The following QSER1 variants were observed in gnomAD, a reference collection of about 807,000 sequenced individuals.
QSER1 encodes glutamine and serine rich 1, also known as glutamine and serine-rich protein 1.
In QSER1, 49 loss-of-function variants were observed where a neutral mutation model predicts 158.5. The ratio of observed to expected loss-of-function variants is 0.31; its 90% CI spans 0.25 to 0.39. The LOEUF is 0.39. Ranked by LOEUF, QSER1 falls within the 10% of genes least tolerant of loss-of-function variation. The probability of loss-of-function intolerance (pLI) is 1.00; values close to 1 mark genes in which losing one functional copy is unlikely to be tolerated. For synonymous variants in QSER1, 650 were observed against 715.5 expected (o/e 0.91, Z 1.46); for missense variants, 1,754 against 2,010.3 (o/e 0.87, Z 2.44).
In QSER1 at chr11:32,972,410, T is replaced by C. The variant is rs1162977473; in HGVS notation, c.5206-987T>C. Among the ~76,000 whole-genome samples, 46 of 46,512 alleles carry C rather than the reference T, an allele frequency of 9.9e-4. 1 individual carries two copies. Among genetic ancestry groups the C allele is most frequent in the African/African-American group, 2.3e-3 (18 of 7,982 alleles). The allele number at this position is 46,512 out of a possible 152,430, so 30.5% of individuals were successfully genotyped here. A position where few individuals can be genotyped will look rare whatever the true frequency, so the allele number is the denominator to read the frequency against. The stretch of plus-strand genomic sequence containing the variant: ...AGGGCATAAATAGGCCAGTGGCTTA[T>C]TTATTTATTTATTTATTTATTTATT... On this transcript the variant is annotated intron_variant, in intron 10 of 12. Transcript: ENST00000650167.
chr11:32,934,475 C>A lies in QSER1; in HGVS notation c.3217C>A (p.Gln1073Lys), dbSNP rs1225720494. ...PALQSKMTLDQQHIETPGQNI... is the reference protein window; with the variant it reads ...PALQSKMTLDKQHIETPGQNI... ...CCTTCAGTCAAAAATGACTCTTGAT[C>A]AACAGCACATTGAAACACCTGGTCA... The change falls in exon 4 of 13, where the codon CAA becomes AAA. Residue 1073 changes from glutamine to lysine, a missense_variant. Gln to Lys is a moderately conservative substitution (Grantham distance 53). This residue lies in a region of QSER1 where 1,707 missense variants were observed against 1,919.6 expected (regional missense o/e 0.89). Coordinates refer to ENST00000650167, the MANE Select transcript of QSER1 (RefSeq NM_001076786.3). 1 of 1,613,558 alleles carries A rather than the reference C, an allele frequency of 6.2e-7. No individual in the cohort carries two copies. The highest frequency in any genetic ancestry group is 1.3e-5 in the African/African-American group (1 of 74,894).
chr11:32,908,227 AGAT>A (rs1180027738), intron 1 of QSER1, among the ~76,000 whole-genome samples: 3 of 152,224 alleles, frequency 2.0e-5, no homozygotes, highest in Non-Finnish European at 4.4e-5. Flanking sequence ...TAGAAAAAGA[AGAT>A]GATGAAATGC....
At chr11:32,909,746 C>T (rs964693290) in intron 1 of QSER1, among the ~76,000 whole-genome samples, 6 of 152,122 alleles carry the variant, frequency 3.9e-5, no homozygotes, top group African/African-American at 1.2e-4. Context: ...CTGTCCTAAA[C>T]TCTAGATCCT....
chr11:32,965,470 A>G (rs1221854252), intron 8 of QSER1, among the ~76,000 whole-genome samples: 1 of 152,188 alleles, frequency 6.6e-6, no homozygotes, highest in Non-Finnish European at 1.5e-5. Context: ...ATTTATGTCT[A>G]GGAATAAAAA....
chr11:32,935,271 G>T lies in QSER1; in HGVS notation c.4013G>T (p.Gly1338Val). The change falls in exon 4 of 13, where the codon GGT becomes GTT. Residue 1338 changes from glycine to valine, a missense_variant. Transcript: ENST00000650167. Reference sequence around the variant, plus strand: ...ACACCTTTAGTGTCTGAAACTGGCGGTAACAGTCCATCAGATAAAGTTGAT... The same window carrying T: ...ACACCTTTAGTGTCTGAAACTGGCGTTAACAGTCCATCAGATAAAGTTGAT... ...TPTPLVSETGGNSPSDKVDNE... is the reference protein window; with the variant it reads ...TPTPLVSETGVNSPSDKVDNE... The T allele has an allele frequency of 1.2e-6, 2 of 1,613,808 alleles. No homozygotes were observed. Among genetic ancestry groups the T allele is most frequent in the Non-Finnish European group, 1.7e-6 (2 of 1,179,906 alleles).
At chr11:32,975,216 A>C in intron 11 of QSER1, 32 bp from the exon 12 acceptor site, 1 of 1,450,592 alleles carries the variant, frequency 6.9e-7, no homozygotes, top group Admixed American at 2.3e-5. Flanking sequence ...ATACTCCATG[A>C]AATGTATCTA....
At chr11:32,941,384 T>G (rs1207621395) in intron 4 of QSER1, among the ~76,000 whole-genome samples, 3 of 44,376 alleles carry the variant, frequency 6.8e-5, no homozygotes, top group African/African-American at 9.3e-5. Context: ...CCCTCCCCCC[T>G]CCACCCCCCA....
At chr11:32,914,753 T>C (rs935215774) in intron 1 of QSER1, among the ~76,000 whole-genome samples, 3 of 152,230 alleles carry the variant, frequency 2.0e-5, no homozygotes, top group Admixed American at 6.5e-5. Context: ...ATATACCATC[T>C]TCACTGCATG....
intron 4 of QSER1, among the ~76,000 whole-genome samples, chr11:32,943,628 C>T (rs1397580382): frequency 6.6e-6 from 1 of 150,702 alleles, no homozygotes; most frequent in South Asian, 2.1e-4. Context: ...CTGCTGGATT[C>T]GGTTTGCCAG....
chr11:32,958,279 A>G (rs1055656101), intron 8 of QSER1, among the ~76,000 whole-genome samples, 193 bp downstream of exon 8: 1 of 152,214 alleles, frequency 6.6e-6, no homozygotes. Flanking sequence ...TGGCCCACAC[A>G]TGCAGCCTTG....
intron 8 of QSER1, among the ~76,000 whole-genome samples, chr11:32,965,427 T>A (rs1367333249): frequency 6.6e-6 from 1 of 152,140 alleles, no homozygotes; most frequent in African/African-American, 2.4e-5. Context: ...CTTTAAACAT[T>A]TTTAATACAT....
intron 1 of QSER1, among the ~76,000 whole-genome samples, chr11:32,907,287 C>G (rs1851706790): frequency 6.6e-6 from 1 of 152,158 alleles, no homozygotes; most frequent in Non-Finnish European, 1.5e-5. Context: ...ATATTCTTTT[C>G]TACCCTAAAA....
Position 32,931,841 on chromosome 11 carries a change from A to C in QSER1, c.583A>C (p.Thr195Pro). 6.2e-7 allele frequency: 1 copy of C among 1,614,098 alleles called. No individual in the cohort carries two copies. The highest frequency in any genetic ancestry group is 8.5e-7 in the Non-Finnish European group (1 of 1,179,988). ...TCTCTCTGCTTATCAGCATCCCACCACCTTCAGCAATAGAAACTTTGCTAC... is the reference window on the plus strand; with the variant it reads ...TCTCTCTGCTTATCAGCATCCCACCCCCTTCAGCAATAGAAACTTTGCTAC... The part of the protein sequence containing the change: ...PSLSAYQHPT[T>P]FSNRNFATTS... Residue 195 changes from threonine to proline, a missense_variant, in exon 4 of 13, where the codon ACC becomes CCC. Transcript: ENST00000650167.
At position 32,976,362 on chromosome 11, in the gene QSER1, A is replaced by C. The variant is rs773818987; in HGVS notation, c.5483A>C (p.Asp1828Ala). Reference protein sequence around the residue: ...EISSVQKKNEDLGQEEIVQLC... With the variant: ...EISSVQKKNEALGQEEIVQLC... ...TCTTCGGTGCAGAAAAAAAATGAAG[A>C]TTTAGGACAGGAGGAAATTGTTCAA... The change falls in exon 13 of 13, where the codon GAT (aspartate) becomes GCT (alanine). Residue 1828 changes from aspartate to alanine, a missense_variant. By Grantham distance (126) the Asp-to-Ala change is moderately radical (BLOSUM62 -2). Around this residue, in one of 2 missense-constraint regions of QSER1, gnomAD observed 47 missense variants for 90.7 expected, o/e 0.52. Coordinates refer to ENST00000650167, the MANE Select transcript of QSER1 (RefSeq NM_001076786.3). 1.9e-6 allele frequency: 3 copies of C among 1,600,528 alleles called. No homozygotes were observed. Among genetic ancestry groups the C allele is most frequent in the Non-Finnish European group, 2.6e-6 (3 of 1,176,402 alleles).
intron 1 of QSER1, among the ~76,000 whole-genome samples, chr11:32,908,386 T>C (rs994270158): frequency 2.6e-5 from 4 of 152,206 alleles, no homozygotes; most frequent in Admixed American, 2.6e-4. Flanking sequence ...GGCAGTATTT[T>C]TCTTGGGCAT....
At chr11:32,913,317 AG>A (rs1474003855) in intron 1 of QSER1, among the ~76,000 whole-genome samples, 1 of 149,490 alleles carries the variant, frequency 6.7e-6, no homozygotes, top group African/African-American at 2.5e-5. Context: ...CAGCCTCCCG[AG>A]TAGCTGGGAC....
intron 8 of QSER1, among the ~76,000 whole-genome samples, chr11:32,960,306 C>G (rs1306080484): frequency 1.3e-5 from 2 of 152,086 alleles, no homozygotes; most frequent in African/African-American, 4.8e-5. Context: ...CCTGCAATCC[C>G]AGCACTTTGG....
intron 1 of QSER1, among the ~76,000 whole-genome samples, chr11:32,904,282 T>C (rs1334214013): frequency 6.6e-6 from 1 of 150,678 alleles, no homozygotes; most frequent in Non-Finnish European, 1.5e-5. Context: ...AACCTCCAAC[T>C]CCCAGGTTCA....
chr11:32,955,947 A>C (rs202152147), intron 6 of QSER1, 41 bp from the exon 7 acceptor site: 1 of 1,559,798 alleles, frequency 6.4e-7, no homozygotes, highest in Non-Finnish European at 8.7e-7. Flanking sequence ...ATTTGTATCT[A>C]GATTGTTCAA....
Sources: allele counts gnomAD v4.1 joint callset (sites outside exome capture counted in the v4.1 genomes callset), GRCh38; gene constraint gnomAD v4.1.1; regional missense constraint gnomAD v4.1.1; transcripts MANE v1.5; gene names NCBI Gene and HGNC (gene_info 2026-07-23, HGNC 2026-07-21).